Variants in KMT2C observed in about 807,000 individuals in gnomAD.
KMT2C encodes the protein histone-lysine N-methyltransferase 2C.
KMT2C carries 88 observed loss-of-function variants against 507.9 expected under a neutral mutation model. The observed-to-expected ratio is 0.17, with a 90% CI of 0.15 to 0.21. KMT2C has a LOEUF of 0.21. Among genes scored for constraint, KMT2C ranks in the 10% least tolerant of loss-of-function variants. The pLI is 1.00. For synonymous variants in KMT2C, 2,049 were observed against 2,080.8 expected (o/e 0.98, Z 0.42); for missense variants, 4,954 against 5,957.8 (o/e 0.83, Z 5.55).
Position 152,224,417 on chromosome 7 carries a change from A to C in KMT2C, c.3158+18T>G. The C allele has an allele frequency of 6.3e-7, 1 of 1,599,788 alleles. No individual in the cohort carries two copies. The highest frequency in any genetic ancestry group is 8.5e-7 in the Non-Finnish European group (1 of 1,170,316). On this transcript the variant is annotated intron_variant, in intron 19 of 58. Transcript: ENST00000262189. ...TCTGAACTTGAAAGACTAACAAGGC[A>C]AACAAACCCTAGAGTACCATTTGCA...
At chr7:152,389,531 T>A (rs2097471640) in intron 1 of KMT2C, among the ~76,000 whole-genome samples, 1 of 152,136 alleles carries the variant, frequency 6.6e-6, no homozygotes, top group South Asian at 2.1e-4. Context: ...CACAGCTTAC[T>A]GCAGCCTCGA....
intron 1 of KMT2C, chr7:152,366,737 G>A (rs2097248784): frequency 5.4e-6 from 1 of 184,420 alleles, no homozygotes; most frequent in African/African-American, 2.4e-5. Context: ...TTAAGGGGTT[G>A]GGTGGCCACA....
chr7:152,376,016 T>C (rs1350969119), intron 1 of KMT2C, among the ~76,000 whole-genome samples: 4 of 152,010 alleles, frequency 2.6e-5, no homozygotes, highest in Non-Finnish European at 5.9e-5. Flanking sequence ...TGTCACCATG[T>C]TGCTCAGGCT....
At position 152,330,661 on chromosome 7, in the gene KMT2C, C is replaced by G. The variant is rs138327796; in HGVS notation, c.329G>C (p.Arg110Pro). The G allele has an allele frequency of 1.9e-6, 3 of 1,614,010 alleles. No individual in the cohort carries two copies. The African/African-American group carries it at 4.0e-5, about 22-fold the overall frequency. Residue 110 changes from arginine to proline, a missense_variant, in exon 3 of 59, where the codon CGA becomes CCA. Arg to Pro is a moderately radical substitution (Grantham distance 103, BLOSUM62 -2). This residue lies in a region of KMT2C where 233 missense variants were observed against 263.6 expected (regional missense o/e 0.88). Transcript: ENST00000262189. ...GTTTGCCGATTCCTCAGACACAGAT[C>G]GCTGAAGAGTTGGAATTAGCTGTTT... is the stretch of plus-strand genomic sequence containing the variant. Reference protein sequence around the residue: ...NSKQLIPTLQRSVSEESANSL... With the variant: ...NSKQLIPTLQPSVSEESANSL...
At chr7:152,403,899 G>T (rs950083849) in intron 1 of KMT2C, among the ~76,000 whole-genome samples, 3 of 151,976 alleles carry the variant, frequency 2.0e-5, no homozygotes, top group East Asian at 4.0e-4. Flanking sequence ...GTGGAATAAC[G>T]ACACTGGAGA....
At chr7:152,278,545 G>T (rs1238447210) in intron 6 of KMT2C, among the ~76,000 whole-genome samples, 10 of 152,236 alleles carry the variant, frequency 6.6e-5, no homozygotes, top group African/African-American at 2.4e-4. Flanking sequence ...ACCTCTTTTT[G>T]TTATCAATTA....
intron 6 of KMT2C, among the ~76,000 whole-genome samples, chr7:152,294,023 T>C (rs1425569036): frequency 9.7e-6 from 1 of 102,976 alleles, no homozygotes; most frequent in Non-Finnish European, 1.7e-5. Flanking sequence ...CACACCTGCC[T>C]TTTTTTTTTT....
chr7:152,153,886 G>T, intron 48 of KMT2C, 124 bp downstream of exon 48: 1 of 946,068 alleles, frequency 1.1e-6, no homozygotes, highest in Non-Finnish European at 1.6e-6. Flanking sequence ...GTGAGCATCA[G>T]CTCTGCTCTC....
At chr7:152,341,442 T>C (rs2096990874) in intron 2 of KMT2C, among the ~76,000 whole-genome samples, 1 of 152,196 alleles carries the variant, frequency 6.6e-6, no homozygotes, top group African/African-American at 2.4e-5. Context: ...AAGCAGTCAG[T>C]ATTTCAAACA....
intron 15 of KMT2C, among the ~76,000 whole-genome samples, chr7:152,236,337 T>C (rs1428617505): frequency 6.6e-6 from 1 of 152,250 alleles, no homozygotes; most frequent in Non-Finnish European, 1.5e-5. Context: ...ATTACAATAA[T>C]AGCTAACATC....
intron 1 of KMT2C, among the ~76,000 whole-genome samples, chr7:152,365,067 G>A (rs530619053): frequency 1.6e-4 from 24 of 152,122 alleles, no homozygotes; most frequent in Non-Finnish European, 2.9e-4. Flanking sequence ...CTTAAAGGGG[G>A]AATAAAGTAA....
Position 152,138,802 on chromosome 7 carries a change from T to C in KMT2C, c.14637A>G (p.Gly4879=), listed in dbSNP as rs2129089186. 6.3e-7 allele frequency: 1 copy of C among 1,598,702 alleles called. No homozygotes were observed. Among genetic ancestry groups the C allele is most frequent in the South Asian group, 1.1e-5 (1 of 89,206 alleles). The change falls in exon 58 of 59, where the codon GGA becomes GGG. Residue 4879 remains glycine (G), a synonymous_variant. Coordinates refer to ENST00000262189, the MANE Select transcript of KMT2C (RefSeq NM_170606.3). The surrounding 1 kb of genome is among the most constrained non-coding windows in gnomAD (Gnocchi z 4.2). Reference sequence around the variant, plus strand: ...CAATCTCTCACACTCTTACCTCTTCTCCTTTCTGGATTCTCCGACTGGAGC... The same window carrying C: ...CAATCTCTCACACTCTTACCTCTTCCCCTTTCTGGATTCTCCGACTGGAGC... The part of the protein sequence containing the change: ...IISSSRRIQK[G]EELCYDYKFD...
At chr7:152,395,224 G>A (rs1175191011) in intron 1 of KMT2C, among the ~76,000 whole-genome samples, 2 of 152,054 alleles carry the variant, frequency 1.3e-5, no homozygotes, top group East Asian at 1.9e-4. Context: ...TTGCTCTGTT[G>A]CACCGGCTGG....
chr7:152,327,897 G>A (rs947637834), intron 3 of KMT2C, among the ~76,000 whole-genome samples: 20 of 148,502 alleles, frequency 1.3e-4, no homozygotes, highest in Non-Finnish European at 2.4e-4. Context: ...GGTGGAGCTT[G>A]CAGTGAGCCA....
chr7:152,182,147 G>C lies in KMT2C; in HGVS notation c.5713C>G (p.Pro1905Ala), dbSNP rs769183090. 2.1e-5 allele frequency: 34 copies of C among 1,614,018 alleles called. No homozygotes were observed. In the Admixed American group the frequency reaches 5.5e-4, roughly 26 times the overall value. The change falls in exon 36 of 59, where the codon CCT (proline) becomes GCT (alanine). Residue 1905 changes from proline (P) to alanine (A), a missense_variant. By Grantham distance (27) the Pro-to-Ala change is conservative. Around this residue, in one of 29 missense-constraint regions of KMT2C, gnomAD observed 1,689 missense variants for 1,654.3 expected, o/e 1.02. Coordinates refer to ENST00000262189, the MANE Select transcript of KMT2C (RefSeq NM_170606.3). ...MDPYAKMVGT[P>A]RPPPVGHSFS... ...CTATGGCCCACAGGAGGTGGTCGAG[G>C]GGTACCAACCATTTTTGCATATGGA...
At chr7:152,139,930 C>T (rs1423481860) in intron 55 of KMT2C, 139 bp from the exon 56 acceptor site, 3 of 660,146 alleles carry the variant, frequency 4.5e-6, no homozygotes, top group Non-Finnish European at 8.1e-6. Context: ...TTTGAATATG[C>T]TATTTTCTGA....
intron 1 of KMT2C, among the ~76,000 whole-genome samples, chr7:152,410,644 T>C (rs1462430508): frequency 6.8e-6 from 1 of 147,914 alleles, no homozygotes; most frequent in African/African-American, 2.5e-5. Context: ...ATATATAATG[T>C]ATAATTTTTA....
chr7:152,429,148 T>C (rs994801416), intron 1 of KMT2C, among the ~76,000 whole-genome samples: 6 of 152,148 alleles, frequency 3.9e-5, no homozygotes, highest in Non-Finnish European at 2.9e-5. Flanking sequence ...CTCCAAATCT[T>C]TGAGCACCCC....
rs760994911 is a variant in KMT2C at position 152,163,531 on chromosome 7, G to A, written c.10046C>T (p.Pro3349Leu). ...CTGGGCAATTGGGGGCTGAATTCTAGGAGGATTGAGGGGCAGGTGGGCAGG... is the reference window on the plus strand; with the variant it reads ...CTGGGCAATTGGGGGCTGAATTCTAAGAGGATTGAGGGGCAGGTGGGCAGG... ...SAPAHLPLNP[P>L]RIQPPIAQLP... The change falls in exon 43 of 59, where the codon CCT becomes CTT. Residue 3349 changes from proline (P) to leucine (L), a missense_variant. Around this residue, in one of 29 missense-constraint regions of KMT2C, gnomAD observed 801 missense variants for 751.2 expected, o/e 1.07. Transcript: ENST00000262189. 26 of 1,611,850 alleles carry A rather than the reference G, an allele frequency of 1.6e-5. No individual in the cohort carries two copies. The Admixed American group carries it at 3.8e-4, about 24-fold the overall frequency.
Sources: allele counts gnomAD v4.1 joint callset (sites outside exome capture counted in the v4.1 genomes callset), GRCh38; gene constraint gnomAD v4.1.1; regional missense constraint gnomAD v4.1.1; non-coding constraint Gnocchi (gnomAD v3.1); transcripts MANE v1.5; gene names NCBI Gene and HGNC (gene_info 2026-07-23, HGNC 2026-07-21).